Variants in SLC9A2 observed in about 807,000 individuals in gnomAD.
SLC9A2 encodes the protein solute carrier family 9 member A2.
Under a neutral mutation model 71.7 loss-of-function variants are expected in SLC9A2, and 42 were observed. That is an observed-to-expected ratio of 0.59 (90% CI 0.46 to 0.76). The LOEUF is 0.76. Ranked by LOEUF, SLC9A2 falls within the 30% of genes least tolerant of loss-of-function variation. The probability of loss-of-function intolerance (pLI) is 0.00; values close to 1 mark genes in which losing one functional copy is unlikely to be tolerated. For missense variants in SLC9A2, 829 were observed against 1,017.4 expected, an observed-to-expected ratio of 0.81 and a Z score of 2.52; for synonymous variants, 396 against 392.5, an observed-to-expected ratio of 1.01 and a Z score of -0.10.
Position 102,706,326 on chromosome 2 carries a change from AAAAAAAAAAAAAAAAAAAAAAG to A in SLC9A2, c.2068+404_2068+425del, listed in dbSNP as rs1677974973. On this transcript the variant is annotated intron_variant, in intron 11 of 11. Coordinates refer to ENST00000233969, the MANE Select transcript of SLC9A2 (RefSeq NM_003048.6). ...GGGCAACAGAGCGAGACTCCGTCTCAAAAAAAAAAAAAAAAAAAAAAGAAAAAAAAAAAAAGAATGAGTTCCA... is the reference window on the plus strand; with the variant it reads ...GGGCAACAGAGCGAGACTCCGTCTCAAAAAAAAAAAAAAGAATGAGTTCCA... 1.4e-5 allele frequency among the ~76,000 whole-genome samples: 2 copies of A among 139,576 alleles called. 1 individual carries two copies. The highest frequency in any genetic ancestry group is 1.5e-4 in the Admixed American group (2 of 13,504). 91.6% of individuals were successfully genotyped at this position (139,576 alleles called of 152,430 possible).
chr2:102,694,997 G>T, intron 6 of SLC9A2, 46 bp from the exon 7 acceptor site: 1 of 1,501,240 alleles, frequency 6.7e-7, no homozygotes, highest in South Asian at 1.1e-5. Flanking sequence ...GAAAATTATT[G>T]ATTTCAGGTA....
At chr2:102,675,249 A>G (rs563748153) in intron 3 of SLC9A2, among the ~76,000 whole-genome samples, 1 of 152,290 alleles carries the variant, frequency 6.6e-6, no homozygotes, top group East Asian at 1.9e-4. Context: ...GAAGAGGGAC[A>G]TTCTGGGTAG....
chr2:102,628,629 C>A (rs73947619), intron 1 of SLC9A2, among the ~76,000 whole-genome samples: 1,632 of 152,134 alleles, frequency 0.011, 23 homozygotes, highest in African/African-American at 0.037. Flanking sequence ...TATTTTTAAA[C>A]CCCCTTGTGA....
At chr2:102,706,539 C>T (rs1448233734) in intron 11 of SLC9A2, among the ~76,000 whole-genome samples, 1 of 152,018 alleles carries the variant, frequency 6.6e-6, no homozygotes, top group African/African-American at 2.4e-5. Context: ...CAAACCTGCA[C>T]ATTGTGCACA....
chr2:102,621,963 G>T (rs539060222), intron 1 of SLC9A2, among the ~76,000 whole-genome samples: 4 of 152,294 alleles, frequency 2.6e-5, no homozygotes, highest in African/African-American at 9.6e-5. Flanking sequence ...GGAAGTTGTG[G>T]TAGGTAAACC....
chr2:102,673,156 G>A (rs1164835414), intron 3 of SLC9A2, among the ~76,000 whole-genome samples: 3 of 151,972 alleles, frequency 2.0e-5, no homozygotes, highest in Non-Finnish European at 4.4e-5. Flanking sequence ...AGTGTCTTCT[G>A]GTATTTATCA....
In SLC9A2 at chr2:102,643,476, G is replaced by A. The variant is rs561976166; in HGVS notation, c.290-14088G>A. Among the ~76,000 whole-genome samples the A allele has an allele frequency of 1.7e-3, 262 of 152,254 alleles. 1 individual carries two copies. The highest frequency in any genetic ancestry group is 4.0e-3 in the African/African-American group (167 of 41,544). ...CCTATTCTCTTGTCTAGATAAAGCCGGCTATTGTTGGGGCTTTTGTTGCCT... is the reference window on the plus strand; with the variant it reads ...CCTATTCTCTTGTCTAGATAAAGCCAGCTATTGTTGGGGCTTTTGTTGCCT... On this transcript the variant is annotated intron_variant, in intron 1 of 11. Transcript: ENST00000233969.
At chr2:102,624,405 G>A (rs759640668) in intron 1 of SLC9A2, among the ~76,000 whole-genome samples, 1 of 152,124 alleles carries the variant, frequency 6.6e-6, no homozygotes, top group African/African-American at 2.4e-5. Flanking sequence ...TCTACGACCT[G>A]GAATAATGGG....
At chr2:102,658,217 T>G (rs558977478) in intron 2 of SLC9A2, among the ~76,000 whole-genome samples, 190 bp downstream of exon 2, 2 of 152,306 alleles carry the variant, frequency 1.3e-5, no homozygotes, top group African/African-American at 4.8e-5. Flanking sequence ...ACTTTTAAAC[T>G]TATTATTTAT....
chr2:102,666,788 T>A (rs1409313984), intron 3 of SLC9A2, among the ~76,000 whole-genome samples: 1 of 152,220 alleles, frequency 6.6e-6, no homozygotes, highest in Non-Finnish European at 1.5e-5. Context: ...TGAGAAATAC[T>A]TAGTAATGGA....
intron 2 of SLC9A2, among the ~76,000 whole-genome samples, chr2:102,658,563 G>A (rs1470536121): frequency 6.6e-6 from 1 of 151,116 alleles, no homozygotes; most frequent in Non-Finnish European, 1.5e-5. Context: ...GAAAGTTTTT[G>A]TCACACGCTC....
chr2:102,646,789 A>ATATATATATATATATATC (rs887096663), intron 1 of SLC9A2, among the ~76,000 whole-genome samples: 1 of 148,254 alleles, frequency 6.7e-6, no homozygotes, highest in African/African-American at 2.5e-5. Flanking sequence ...ATATATATAT[A>ATATATATATATATATATC]TCTCCAATAC....
chr2:102,644,412 G>A (rs1025021483), intron 1 of SLC9A2, among the ~76,000 whole-genome samples: 1 of 152,150 alleles, frequency 6.6e-6, no homozygotes, highest in Admixed American at 6.5e-5. Flanking sequence ...CACTGAGCTA[G>A]CTGCAGGAGG....
chr2:102,646,656 A>G (rs979080238), intron 1 of SLC9A2, among the ~76,000 whole-genome samples: 1 of 151,956 alleles, frequency 6.6e-6, no homozygotes, highest in Non-Finnish European at 1.5e-5. Context: ...CAGGGGTTGC[A>G]ATCCTAGTCT....
chr2:102,647,019 G>C (rs1437070990), intron 1 of SLC9A2, among the ~76,000 whole-genome samples: 2 of 152,162 alleles, frequency 1.3e-5, no homozygotes, highest in Admixed American at 1.3e-4. Context: ...ATTCTTCTCA[G>C]TACCACATAG....
chr2:102,679,384 AAT>A (rs767607484), intron 3 of SLC9A2, among the ~76,000 whole-genome samples: 36,269 of 133,704 alleles, frequency 0.27, 4,673 homozygotes, highest in South Asian at 0.39. Flanking sequence ...ATATATATAT[AAT>A]TTTTTTTTTT....
rs900340356 is a variant in SLC9A2 at position 102,706,645 on chromosome 2, G to A, written c.2068+709G>A. ...ATAATAACTGGGTGAATTTTAATTC[G>A]CATTGCAACCTTTTGGAATGGCATT... On this transcript the variant is annotated intron_variant, in intron 11 of 11. Transcript: ENST00000233969. 3.3e-5 allele frequency among the ~76,000 whole-genome samples: 5 copies of A among 152,116 alleles called. No individual in the cohort carries two copies. The East Asian group carries it at 5.8e-4, about 18-fold the overall frequency.
chr2:102,697,087 C>T (rs998572716), intron 7 of SLC9A2, among the ~76,000 whole-genome samples: 1 of 152,176 alleles, frequency 6.6e-6, no homozygotes, highest in African/African-American at 2.4e-5. Context: ...CTTTCCCTAG[C>T]ATCCCCTCAG....
At chr2:102,672,383 T>C (rs928075749) in intron 3 of SLC9A2, among the ~76,000 whole-genome samples, 3 of 152,148 alleles carry the variant, frequency 2.0e-5, no homozygotes, top group African/African-American at 7.2e-5. Context: ...TGCTCACCAC[T>C]AGTGTTTTCT....
Sources: allele counts gnomAD v4.1 joint callset (sites outside exome capture counted in the v4.1 genomes callset), GRCh38; gene constraint gnomAD v4.1.1; transcripts MANE v1.5; gene names NCBI Gene and HGNC (gene_info 2026-07-23, HGNC 2026-07-21).